Variants in TANGO2 observed in about 807,000 individuals in gnomAD.
TANGO2 encodes the protein transport and golgi organization 2 homolog.
In TANGO2, 26 loss-of-function variants were observed where a neutral mutation model predicts 39.1. The observed-to-expected ratio is 0.67, with a 90% CI of 0.49 to 0.92. The LOEUF (loss-of-function observed/expected upper bound fraction) is 0.92. Ranked by LOEUF, TANGO2 falls within the 40% of genes least tolerant of loss-of-function variation. The pLI, the probability that TANGO2 is intolerant of heterozygous loss-of-function variation, is 0.00. For synonymous variants in TANGO2, 131 were observed against 144.5 expected, an observed-to-expected ratio of 0.91 and a Z score of 0.67; for missense variants, 326 against 360.1, an observed-to-expected ratio of 0.91 and a Z score of 0.77.
At chr22:20,038,373 C>T (rs988035768) in intron 2 of TANGO2, among the ~76,000 whole-genome samples, 1 of 152,206 alleles carries the variant, frequency 6.6e-6, no homozygotes, top group Non-Finnish European at 1.5e-5. Context: ...CCAGCCAGCT[C>T]TGTATGCGTT....
chr22:20,053,433 A>G lies in TANGO2; in HGVS notation c.266-4A>G, dbSNP rs749683828. ...TGGACACAGCATCTGTCCCCTGCCT[A>G]CAGGTGAACTTGTCACCCACTTTCT... On this transcript the variant is annotated splice_polypyrimidine_tract_variant and splice_region_variant and intron_variant, in intron 4 of 8. Coordinates refer to ENST00000327374, the MANE Select transcript of TANGO2 (RefSeq NM_152906.7). 2.5e-6 allele frequency: 4 copies of G among 1,597,566 alleles called. No homozygotes were observed. The highest frequency in any genetic ancestry group is 1.3e-5 in the African/African-American group (1 of 74,562).
At chr22:20,058,713 T>C (rs1420092448) in intron 6 of TANGO2, among the ~76,000 whole-genome samples, 1 of 151,446 alleles carries the variant, frequency 6.6e-6, no homozygotes, top group Non-Finnish European at 1.5e-5. Context: ...ATTTGCCATA[T>C]CAGTTTGCAG....
chr22:20,063,682 CA>C (rs1297316982), intron 8 of TANGO2: 4 of 445,314 alleles, frequency 9.0e-6, no homozygotes, highest in African/African-American at 8.1e-5. Flanking sequence ...AGGATGGCTT[CA>C]GGGCTGCCTG....
At chr22:20,023,034 G>A (rs1327021315) in intron 1 of TANGO2, among the ~76,000 whole-genome samples, 1 of 152,226 alleles carries the variant, frequency 6.6e-6, no homozygotes, top group African/African-American at 2.4e-5. Context: ...GTGAAAACAA[G>A]GTCACCCCAG....
intron 6 of TANGO2, chr22:20,056,367 T>TG: frequency 1.9e-6 from 1 of 517,618 alleles, no homozygotes; most frequent in African/African-American, 1.9e-5. Flanking sequence ...CATCACCACC[T>TG]GGGGTTCTTG....
chr22:20,021,735 G>A (rs1348488328), intron 1 of TANGO2, among the ~76,000 whole-genome samples: 2 of 152,210 alleles, frequency 1.3e-5, no homozygotes, highest in Non-Finnish European at 2.9e-5. Flanking sequence ...CTGCACTCAG[G>A]GCAGTCCTTG....
intron 1 of TANGO2, among the ~76,000 whole-genome samples, chr22:20,031,554 G>A (rs1358603644): frequency 6.6e-6 from 1 of 152,220 alleles, no homozygotes; most frequent in Non-Finnish European, 1.5e-5. Flanking sequence ...GTCAGCCTGG[G>A]CTACATATCT....
At chr22:20,036,360 G>A (rs536814773) in intron 1 of TANGO2, among the ~76,000 whole-genome samples, 2 of 152,172 alleles carry the variant, frequency 1.3e-5, no homozygotes, top group Non-Finnish European at 1.5e-5. Flanking sequence ...TCTCACTTTC[G>A]CTGTTCTCTG....
chr22:20,025,603 G>C (rs556287776), intron 1 of TANGO2, among the ~76,000 whole-genome samples: 74 of 152,218 alleles, frequency 4.9e-4, no homozygotes, highest in Admixed American at 1.4e-3. Context: ...CCTGCCTCCT[G>C]TCCCCATGGG....
chr22:20,065,801 C>T lies in TANGO2; in HGVS notation c.*1139C>T, dbSNP rs1018756886. 1 of 152,388 alleles carries T rather than the reference C, an allele frequency of 6.6e-6. No homozygotes were observed. The allele number at this position is 152,388 out of a possible 1,614,324, so 9.4% of individuals were successfully genotyped here. A position where few individuals can be genotyped will look rare whatever the true frequency, so the allele number is the denominator to read the frequency against. On this transcript the variant is annotated 3_prime_UTR_variant, in exon 9 of 9. Coordinates refer to ENST00000327374, the MANE Select transcript of TANGO2 (RefSeq NM_152906.7). ...CCGCTTACCCAGCTGGAGACCATGCCTCTGGCAGCCCCATCTCAGCCAGCC... is the reference window on the plus strand; with the variant it reads ...CCGCTTACCCAGCTGGAGACCATGCTTCTGGCAGCCCCATCTCAGCCAGCC...
chr22:20,052,112 C>T lies in TANGO2; in HGVS notation c.146-353C>T, dbSNP rs189306965. ...CTGCTGGGTGAGGACAGCCAGCGTC[C>T]CTGCACCCCATTCATGCGATTGGAG... On this transcript the variant is annotated intron_variant, in intron 3 of 8. Coordinates refer to ENST00000327374, the MANE Select transcript of TANGO2 (RefSeq NM_152906.7). Among the ~76,000 whole-genome samples the T allele has an allele frequency of 2.6e-3, 392 of 152,296 alleles. 8 individuals are homozygous for T. In the South Asian group the frequency reaches 0.054, roughly 21 times the overall value.
intron 1 of TANGO2, among the ~76,000 whole-genome samples, chr22:20,035,778 G>A (rs541126535): frequency 6.6e-6 from 1 of 152,280 alleles, no homozygotes; most frequent in South Asian, 2.1e-4. Flanking sequence ...GTGTGGGGTG[G>A]GTTTGGTGCT....
intron 6 of TANGO2, chr22:20,056,351 T>C: frequency 1.8e-6 from 1 of 544,612 alleles, no homozygotes; most frequent in Non-Finnish European, 3.5e-6. Context: ...TCAGAACCTC[T>C]GGAGCCATCA....
chr22:20,034,939 A>G (rs1276072819), intron 1 of TANGO2, among the ~76,000 whole-genome samples: 1 of 152,258 alleles, frequency 6.6e-6, no homozygotes, highest in Non-Finnish European at 1.5e-5. Flanking sequence ...TTCATATTTC[A>G]TCCAGCATCT....
chr22:20,040,595 C>T (rs925346830), intron 2 of TANGO2, among the ~76,000 whole-genome samples: 16 of 152,208 alleles, frequency 1.1e-4, no homozygotes, highest in Non-Finnish European at 1.0e-4. Context: ...GGCACATCCC[C>T]ACCATAGCAC....
intron 1 of TANGO2, among the ~76,000 whole-genome samples, chr22:20,032,835 C>T (rs911917974): frequency 6.6e-5 from 10 of 152,182 alleles, no homozygotes; most frequent in Admixed American, 3.9e-4. Context: ...CCTGGCCACC[C>T]GTGTGCCCAC....
chr22:20,061,165 ACTT>A (rs2048311922), intron 6 of TANGO2: 1 of 176,806 alleles, frequency 5.7e-6, no homozygotes, highest in Non-Finnish European at 1.2e-5. Context: ...CCACTCTTGA[ACTT>A]CTCAGGTGGC....
At chr22:20,027,301 A>C (rs373245658) in intron 1 of TANGO2, among the ~76,000 whole-genome samples, 51 of 152,342 alleles carry the variant, frequency 3.3e-4, no homozygotes, top group African/African-American at 1.1e-3. Context: ...ATTAAATTCA[A>C]CGTGAGATTT....
chr22:20,025,737 A>G (rs957796041), intron 1 of TANGO2, among the ~76,000 whole-genome samples: 3 of 152,082 alleles, frequency 2.0e-5, no homozygotes, highest in Non-Finnish European at 1.5e-5. Flanking sequence ...CAGGTTATGG[A>G]CTTTCTTACT....
Sources: allele counts gnomAD v4.1 joint callset (sites outside exome capture counted in the v4.1 genomes callset), GRCh38; gene constraint gnomAD v4.1.1; transcripts MANE v1.5; gene names NCBI Gene and HGNC (gene_info 2026-07-23, HGNC 2026-07-21).